Variants in F9 observed in about 807,000 individuals in gnomAD.
F9 encodes Christmas factor.
A neutral mutation model predicts 34.1 loss-of-function variants in F9; 2 were observed. The observed-to-expected ratio is 0.06, with a 90% CI of 0.02 to 0.18. The LOEUF (loss-of-function observed/expected upper bound fraction) is 0.18, where lower values mean the gene tolerates loss of function less well. Among genes scored for constraint, F9 ranks in the 10% least tolerant of loss-of-function variants. The probability of loss-of-function intolerance (pLI) is 1.00; values close to 1 mark genes in which losing one functional copy is unlikely to be tolerated. For missense variants in F9, 216 were observed against 345.1 expected (o/e 0.63, Z 2.96); for synonymous variants, 137 against 118.8 (o/e 1.15, Z -1.00).
chrX:139,553,323 A>G (rs760077703), intron 6 of F9, among the ~76,000 whole-genome samples: 3 of 111,709 alleles, frequency 2.7e-5, no homozygotes, highest in Non-Finnish European at 5.6e-5. Context: ...TTCCTGGAAC[A>G]ATCCCTCTTA....
intron 6 of F9, among the ~76,000 whole-genome samples, chrX:139,552,477 C>T (rs1018489515): frequency 8.9e-6 from 1 of 111,875 alleles, no homozygotes; most frequent in African/African-American, 3.2e-5. Context: ...ACCTCTTTGG[C>T]CCCCCTCCCC....
chrX:139,549,369 G>A (rs143021676), intron 5 of F9, among the ~76,000 whole-genome samples: 629 of 111,460 alleles, frequency 5.6e-3, no homozygotes, highest in Middle Eastern at 9.3e-3. Flanking sequence ...AACCAGTGCC[G>A]AGATCAGCTT....
chrX:139,536,290 TAGAG>T (rs761124334), intron 1 of F9, among the ~76,000 whole-genome samples: 1,148 of 100,975 alleles, frequency 0.011, 4 homozygotes, highest in Non-Finnish European at 0.017. Flanking sequence ...CACACACACA[TAGAG>T]AGAGAGAGAG....
intron 6 of F9, 74 bp downstream of exon 6, chrX:139,551,338 A>G (rs1874922557): frequency 2.2e-6 from 2 of 905,094 alleles, no homozygotes; most frequent in Non-Finnish European, 3.2e-6. Flanking sequence ...GACTGAGGCT[A>G]TTTTACTAGA....
At chrX:139,544,624 G>A (rs1345617828) in intron 4 of F9, 3 of 111,619 alleles carry the variant, frequency 2.7e-5, no homozygotes, top group Non-Finnish European at 1.9e-5. Context: ...CACTCTGTTA[G>A]CCTGTGTTCC....
intron 2 of F9, 61 bp downstream of exon 2, chrX:139,537,234 G>C (rs769185834): frequency 1.1e-4 from 126 of 1,156,577 alleles, no homozygotes; most frequent in Middle Eastern, 2.5e-4. Flanking sequence ...TCTTTAAAAA[G>C]ACACTTCTCT....
chrX:139,551,522 T>A (rs750847213), intron 6 of F9, among the ~76,000 whole-genome samples: 15 of 111,284 alleles, frequency 1.3e-4, no homozygotes, highest in Non-Finnish European at 2.3e-4. Context: ...AGGCAACTGG[T>A]CAACAACATG....
In F9 at chrX:139,537,001, A is replaced by G. The variant is rs1462034593; in HGVS notation, c.89-9A>G. ...GCTAAAACTAAAGAATTATTCTTTT[A>G]CATTTCAGTTTTTCTTGATCATGAA... On this transcript the variant is annotated splice_polypyrimidine_tract_variant and intron_variant, in intron 1 of 7. Coordinates refer to ENST00000218099, the MANE Select transcript of F9 (RefSeq NM_000133.4). 1.7e-6 allele frequency: 2 copies of G among 1,198,386 alleles called. No homozygotes were observed. Among genetic ancestry groups the G allele is most frequent in the Non-Finnish European group, 2.3e-6 (2 of 886,555 alleles).
intron 4 of F9, chrX:139,544,545 A>G (rs1485681058): frequency 9.0e-6 from 1 of 111,259 alleles, no homozygotes; most frequent in Non-Finnish European, 1.9e-5. Context: ...CTATGCTAGC[A>G]TATGTAAAAT....
intron 5 of F9, among the ~76,000 whole-genome samples, chrX:139,550,849 T>C (rs1466375368): frequency 8.9e-6 from 1 of 111,916 alleles, no homozygotes; most frequent in African/African-American, 3.3e-5. Context: ...CGGAGCCAAA[T>C]GTTCTTTTCA....
intron 6 of F9, 52 bp downstream of exon 6, chrX:139,551,316 G>A: frequency 9.5e-7 from 1 of 1,050,230 alleles, no homozygotes; most frequent in Non-Finnish European, 1.3e-6. Flanking sequence ...GCAAGACACA[G>A]GCCAGGTGGG....
chrX:139,549,510 C>T (rs1927793133), intron 5 of F9, among the ~76,000 whole-genome samples: 1 of 112,260 alleles, frequency 8.9e-6, no homozygotes, highest in Admixed American at 9.4e-5. Flanking sequence ...GATTTACCCA[C>T]ATATTTATTG....
rs1927327744 is a variant in F9 at position 139,530,819 on chromosome X, C to A, written c.55C>A (p.Leu19Ile). 8.3e-7 allele frequency: 1 copy of A among 1,209,796 alleles called. No individual in the cohort carries two copies. Among genetic ancestry groups the A allele is most frequent in the Non-Finnish European group, 1.1e-6 (1 of 893,550 alleles). The part of the protein sequence containing the change: ...AESPGLITIC[L>I]LGYLLSAECT... ...ATCACCAGGCCTCATCACCATCTGC[C>A]TTTTAGGATATCTACTCAGTGCTGA... Residue 19 changes from leucine (L) to isoleucine (I), a missense_variant, in exon 1 of 8, where the codon CTT becomes ATT. Transcript: ENST00000218099.
chrX:139,557,767 C>T (rs1928002767), intron 6 of F9, among the ~76,000 whole-genome samples: 2 of 113,113 alleles, frequency 1.8e-5, no homozygotes, highest in Non-Finnish European at 3.7e-5. Flanking sequence ...CAGCCAGACA[C>T]ATGGTCTTAT....
chrX:139,540,016 C>T (rs1403650881), intron 3 of F9, among the ~76,000 whole-genome samples: 1 of 111,383 alleles, frequency 9.0e-6, no homozygotes, highest in African/African-American at 3.3e-5. Flanking sequence ...CCCCTTTTCC[C>T]TCATTCTTTG....
intron 6 of F9, among the ~76,000 whole-genome samples, chrX:139,557,847 T>C (rs754891708): frequency 2.7e-5 from 3 of 112,628 alleles, no homozygotes; most frequent in Non-Finnish European, 5.6e-5. Context: ...CTTTGCATTT[T>C]TGTTTTGTAA....
Position 139,537,205 on chromosome X carries a change from C to T in F9, c.252+32C>T, listed in dbSNP as rs1927502821. The T allele has an allele frequency of 2.5e-6, 3 of 1,194,268 alleles. No individual in the cohort carries two copies. The East Asian group carries it at 8.9e-5, about 36-fold the overall frequency. ...ATTTCCACATAATACCCTTCAGATG[C>T]AGAGCATAGAATAGAAAATCTTTAA... is the stretch of plus-strand genomic sequence containing the variant. On this transcript the variant is annotated intron_variant, in intron 2 of 7. Transcript: ENST00000218099.
intron 5 of F9, among the ~76,000 whole-genome samples, 161 bp from the exon 6 acceptor site, chrX:139,550,901 C>A (rs774838331): frequency 3.6e-5 from 4 of 111,878 alleles, no homozygotes; most frequent in African/African-American, 9.8e-5. Flanking sequence ...CGCAATCAAC[C>A]TTTTAGCTTG....
intron 4 of F9, among the ~76,000 whole-genome samples, chrX:139,544,458 C>A (rs866495582): frequency 1.5e-4 from 17 of 110,564 alleles, no homozygotes; most frequent in Middle Eastern, 9.5e-3. Context: ...TTCCTTTGTC[C>A]CCCTGGCAAC....
Sources: allele counts gnomAD v4.1 joint callset (sites outside exome capture counted in the v4.1 genomes callset), GRCh38; gene constraint gnomAD v4.1.1; transcripts MANE v1.5; gene names NCBI Gene and HGNC (gene_info 2026-07-23, HGNC 2026-07-21).